MMP26: variants seen among roughly 807,000 people sequenced by gnomAD.
MMP26 encodes the protein matrix metalloproteinase-26.
MMP26 carries 33 observed loss-of-function variants against 31.0 expected under a neutral mutation model. The observed-to-expected ratio is 1.06, with a 90% confidence interval of 0.81 to 1.42. The LOEUF (loss-of-function observed/expected upper bound fraction) is 1.42. Ranked by LOEUF, MMP26 falls within the 40% of genes most tolerant of loss-of-function variation. The probability of loss-of-function intolerance (pLI) is 0.00; values close to 1 mark genes in which losing one functional copy is unlikely to be tolerated. For synonymous variants in MMP26, 122 were observed against 114.9 expected (o/e 1.06, Z -0.40); for missense variants, 347 against 316.1 (o/e 1.10, Z -0.74).
intron 1 of MMP26, among the ~76,000 whole-genome samples, chr11:4,727,736 G>C (rs747733093): frequency 6.6e-6 from 1 of 152,200 alleles, no homozygotes; most frequent in Non-Finnish European, 1.5e-5. Context: ...TTGAACCCGG[G>C]AGGTGGAGAT....
At chr11:4,793,172 C>T (rs1425996266) in intron 2 of MMP26, among the ~76,000 whole-genome samples, 1 of 152,068 alleles carries the variant, frequency 6.6e-6, no homozygotes, top group Non-Finnish European at 1.5e-5. Context: ...TATAATCACC[C>T]TTTGATGTAA....
intron 1 of MMP26, among the ~76,000 whole-genome samples, chr11:4,765,202 C>G (rs939798026): frequency 1.3e-5 from 2 of 152,178 alleles, no homozygotes; most frequent in African/African-American, 4.8e-5. Flanking sequence ...GGAGCTGTTT[C>G]TAGGCAATCA....
chr11:4,747,992 A>T (rs1239454079), intron 1 of MMP26, among the ~76,000 whole-genome samples: 3 of 152,068 alleles, frequency 2.0e-5, no homozygotes, highest in Non-Finnish European at 4.4e-5. Context: ...CAATACAAAC[A>T]ATCAACAAAA....
intron 2 of MMP26, chr11:4,804,720 A>G (rs2133455366): frequency 2.8e-5 from 11 of 386,100 alleles, no homozygotes; most frequent in Non-Finnish European, 5.6e-5. Flanking sequence ...TGAGGCAGGC[A>G]GATTGCTTGA....
At chr11:4,813,017 A>G (rs893866958) in intron 2 of MMP26, among the ~76,000 whole-genome samples, 3 of 148,952 alleles carry the variant, frequency 2.0e-5, no homozygotes, top group Admixed American at 6.7e-5. Flanking sequence ...GTGTGTATGT[A>G]TATATATATA....
At chr11:4,798,040 T>C (rs187659876) in intron 2 of MMP26, among the ~76,000 whole-genome samples, 37 of 152,346 alleles carry the variant, frequency 2.4e-4, no homozygotes, top group South Asian at 6.2e-4. Context: ...GTGATGCATT[T>C]TCTGCATATT....
At chr11:4,818,190 G>A (rs1849446883) in intron 2 of MMP26, among the ~76,000 whole-genome samples, 1 of 150,216 alleles carries the variant, frequency 6.7e-6, no homozygotes, top group Non-Finnish European at 1.5e-5. Context: ...TGAAAAGAAG[G>A]AAATAGTCTC....
chr11:4,939,524 A>G (rs1846179456), intron 2 of MMP26, among the ~76,000 whole-genome samples: 2 of 152,130 alleles, frequency 1.3e-5, no homozygotes. Flanking sequence ...ATTTTCCATT[A>G]TTGTAATCAT....
chr11:4,955,917 G>C (rs1156962475), intron 2 of MMP26, among the ~76,000 whole-genome samples: 1 of 152,196 alleles, frequency 6.6e-6, no homozygotes, highest in African/African-American at 2.4e-5. Flanking sequence ...TAATACTTTA[G>C]AGTAGAATCT....
chr11:4,860,439 C>T lies in MMP26; in HGVS notation c.-145+93098C>T, dbSNP rs966606415. 44 of 471,044 alleles carry T rather than the reference C, an allele frequency of 9.3e-5. No homozygotes were observed. The Middle Eastern group carries it at 9.7e-4, about 10-fold the overall frequency. 29.2% of individuals were successfully genotyped at this position (471,044 alleles called of 1,614,324 possible). A position where few individuals can be genotyped will look rare whatever the true frequency, so the allele number is the denominator to read the frequency against. ...TGACAGCTAGGATGGTACCATTTCC[C>T]AGGAGTGTGAGTGTGTAGAGAAATC... On this transcript the variant is annotated intron_variant, in intron 2 of 7. Coordinates refer to ENST00000380390, the MANE Select transcript of MMP26 (RefSeq NM_021801.5).
At chr11:4,950,673 C>G (rs1272148473) in intron 2 of MMP26, among the ~76,000 whole-genome samples, 2 of 46,336 alleles carry the variant, frequency 4.3e-5, no homozygotes, top group African/African-American at 1.2e-4. Flanking sequence ...TTCTAATGTT[C>G]TCATCAAAAA....
chr11:4,800,163 G>C (rs1160867398), intron 2 of MMP26, among the ~76,000 whole-genome samples: 2 of 152,230 alleles, frequency 1.3e-5, no homozygotes, highest in East Asian at 3.8e-4. Flanking sequence ...TTTCCCTTCA[G>C]CGCTGGCTTA....
chr11:4,749,444 T>C (rs1848420490), intron 1 of MMP26, among the ~76,000 whole-genome samples: 1 of 151,458 alleles, frequency 6.6e-6, no homozygotes, highest in Non-Finnish European at 1.5e-5. Flanking sequence ...CTAAAATTCT[T>C]ATAAAAAAGG....
intron 2 of MMP26, among the ~76,000 whole-genome samples, chr11:4,835,010 C>T (rs1207062691): frequency 6.6e-6 from 1 of 151,942 alleles, no homozygotes; most frequent in Non-Finnish European, 1.5e-5. Context: ...AACATTCAAA[C>T]ATTCAGTAGG....
intron 2 of MMP26, among the ~76,000 whole-genome samples, chr11:4,844,683 G>A (rs1849842874): frequency 6.6e-6 from 1 of 152,132 alleles, no homozygotes; most frequent in Admixed American, 6.5e-5. Flanking sequence ...TTCAATTAAT[G>A]CTGAAAAAGC....
At position 4,891,388 on chromosome 11, in the gene MMP26, T is replaced by G. The variant is rs1404497155; in HGVS notation, c.-144-96680T>G. Among the ~76,000 whole-genome samples, 3 of 152,098 alleles carry G rather than the reference T, an allele frequency of 2.0e-5. No homozygotes were observed. In the East Asian group the frequency reaches 5.8e-4, roughly 29 times the overall value. ...CATATACTTTTCAACCATCAGATTT[T>G]GTGAGATCCCACTCACTATCAAGAG... On this transcript the variant is annotated intron_variant, in intron 2 of 7. Transcript: ENST00000380390.
rs957923375 is a variant in MMP26 at position 4,989,942 on chromosome 11, G to A, written c.320+74G>A. On this transcript the variant is annotated intron_variant, in intron 4 of 7. Coordinates refer to ENST00000380390, the MANE Select transcript of MMP26 (RefSeq NM_021801.5). ...AAGGGCTTTCTACCAGGTCTCTCCT[G>A]GAGGTACCTCTACTCTCTTCTGCTT... 9 of 1,225,166 alleles carry A rather than the reference G, an allele frequency of 7.3e-6. No homozygotes were observed. In the African/African-American group the frequency reaches 1.0e-4, roughly 14 times the overall value. The allele number at this position is 1,225,166 out of a possible 1,614,324, so 75.9% of individuals were successfully genotyped here.
chr11:4,726,522 A>G (rs6578521), intron 1 of MMP26, among the ~76,000 whole-genome samples: 98,170 of 151,974 alleles, frequency 0.65, 33,258 homozygotes, highest in African/African-American at 0.86. Context: ...CCTTGACAGC[A>G]TTAAAATAAT....
intron 2 of MMP26, chr11:4,924,212 C>T (rs775497655): frequency 6.2e-7 from 1 of 1,614,084 alleles, no homozygotes; most frequent in East Asian, 2.2e-5. Flanking sequence ...GGTGAGGTTC[C>T]CCAAGATAAC....
Sources: allele counts gnomAD v4.1 joint callset (sites outside exome capture counted in the v4.1 genomes callset), GRCh38; gene constraint gnomAD v4.1.1; transcripts MANE v1.5; gene names NCBI Gene and HGNC (gene_info 2026-07-23, HGNC 2026-07-21).